Variants in ZNF83 observed in about 807,000 individuals in gnomAD.
The protein encoded by ZNF83 is zinc finger protein 83, also known as zinc finger protein 816B.
For synonymous variants in ZNF83, 209 were observed against 213.0 expected, an observed-to-expected ratio of 0.98 and a Z score of 0.17; for missense variants, 552 against 629.9, an observed-to-expected ratio of 0.88 and a Z score of 1.32.
intron 2 of ZNF83, chr19:52,618,640 A>G (rs918837566): frequency 9.6e-6 from 4 of 416,050 alleles, no homozygotes; most frequent in African/African-American, 8.2e-5. Context: ...GAAGTGATCC[A>G]CAAGCTTTGG....
chr19:52,645,857 GA>G (rs897398723), intron 3 of ZNF83, among the ~76,000 whole-genome samples: 1 of 147,746 alleles, frequency 6.8e-6, no homozygotes, highest in African/African-American at 2.5e-5. Context: ...AGAGGAAACA[GA>G]AAAAAAAATA....
At chr19:52,651,277 C>T (rs329958) in intron 3 of ZNF83, 80,272 of 152,056 alleles carry the variant, frequency 0.53, 21,771 homozygotes, top group East Asian at 0.71. Context: ...TGAAGATAGT[C>T]AGGATATATT....
chr19:52,676,389 T>C (rs2147330253), intron 1 of ZNF83, among the ~76,000 whole-genome samples: 1 of 152,298 alleles, frequency 6.6e-6, no homozygotes. Context: ...TTGCAGCCTC[T>C]GCCCGGCCGC....
chr19:52,613,151 G>A (rs756035466), exon 3 of ZNF83: 1 of 1,613,664 alleles, frequency 6.2e-7, no homozygotes, highest in Non-Finnish European at 8.5e-7. Flanking sequence ...TGATTAGTGA[G>A]GCTTGAACGC....
At chr19:52,658,709 A>T (rs1327808486) in intron 2 of ZNF83, among the ~76,000 whole-genome samples, 2 of 152,206 alleles carry the variant, frequency 1.3e-5, no homozygotes, top group African/African-American at 2.4e-5. Flanking sequence ...GCATTAGGTC[A>T]TAGGGTAAAT....
At chr19:52,665,773 G>A (rs934329975) in intron 1 of ZNF83, among the ~76,000 whole-genome samples, 1 of 152,126 alleles carries the variant, frequency 6.6e-6, no homozygotes, top group Non-Finnish European at 1.5e-5. Context: ...AGCAGCAGGG[G>A]CCTCATGCGT....
upstream of ZNF83, among the ~76,000 whole-genome samples, chr19:52,639,189 C>A (rs752502759): frequency 5.3e-5 from 8 of 151,990 alleles, no homozygotes; most frequent in East Asian, 7.8e-4. Flanking sequence ...CAGGTTCAAT[C>A]GATTCTCATG....
upstream of ZNF83, among the ~76,000 whole-genome samples, chr19:52,639,059 T>C (rs1487502073): frequency 6.6e-6 from 1 of 152,190 alleles, no homozygotes; most frequent in East Asian, 1.9e-4. Context: ...CACGTGGATA[T>C]CCAGTTAGTT....
chr19:52,668,530 GC>G (rs1164162703), intron 1 of ZNF83, among the ~76,000 whole-genome samples: 13 of 152,074 alleles, frequency 8.5e-5, no homozygotes, highest in African/African-American at 3.1e-4. Flanking sequence ...TTTAGGGTGT[GC>G]TTTTTTCTCC....
upstream of ZNF83, among the ~76,000 whole-genome samples, chr19:52,640,348 A>T (rs531844221): frequency 6.6e-6 from 1 of 152,294 alleles, no homozygotes; most frequent in Non-Finnish European, 1.5e-5. Context: ...AAAGACAGAG[A>T]ATCTTTAGCA....
At chr19:52,683,195 C>A (rs1380547361) in intron 1 of ZNF83, among the ~76,000 whole-genome samples, 1 of 151,274 alleles carries the variant, frequency 6.6e-6, no homozygotes, top group Non-Finnish European at 1.5e-5. Flanking sequence ...GGCATCTTGA[C>A]TTGATCCTCA....
rs1568588981 is a variant in ZNF83, at chr19:52,687,616, G to GTAAATTT, written c.-283+2826_-283+2827insAAATTTA. Among the ~76,000 whole-genome samples, 131 of 15,730 alleles carry GTAAATTT rather than the reference G, an allele frequency of 8.3e-3. 3 individuals are homozygous for GTAAATTT. Among genetic ancestry groups the GTAAATTT allele is most frequent in the African/African-American group, 0.028 (61 of 2,146 alleles). The allele number at this position is 15,730 out of a possible 152,430, so 10.3% of individuals were successfully genotyped here. ...TATATAATGTATATATATATAATGTGTATATATATATATAATGTATATATA... is the reference window on the plus strand; with the variant it reads ...TATATAATGTATATATATATAATGTGTAAATTTTATATATATATATAATGTATATATA... On this transcript the variant is annotated intron_variant, in intron 1 of 5. Transcript: ENST00000594682.
chr19:52,629,835 A>C (rs1461749815), intron 2 of ZNF83, among the ~76,000 whole-genome samples: 5 of 152,198 alleles, frequency 3.3e-5, no homozygotes, highest in Non-Finnish European at 7.3e-5. Context: ...ACATTAAATA[A>C]AACTCCAAAA....
At chr19:52,613,356 A>G (rs779802320) in exon 3 of ZNF83, 2 of 1,613,878 alleles carry the variant, frequency 1.2e-6, no homozygotes, top group Admixed American at 1.7e-5. Context: ...CACATTCATC[A>G]CATTTGTAAG....
At chr19:52,660,429 G>GT (rs2061564172) in intron 2 of ZNF83, among the ~76,000 whole-genome samples, 1 of 144,882 alleles carries the variant, frequency 6.9e-6, no homozygotes, top group Non-Finnish European at 1.5e-5. Flanking sequence ...GACCAGCCTG[G>GT]CCAACATGGT....
chr19:52,613,361 TG>T, exon 3 of ZNF83: 1 of 1,613,870 alleles, frequency 6.2e-7, no homozygotes, highest in Non-Finnish European at 8.5e-7. Flanking sequence ...TCATCACATT[TG>T]TAAGGTTTCT....
At chr19:52,626,391 T>C (rs2060737893) in intron 2 of ZNF83, among the ~76,000 whole-genome samples, 1 of 152,122 alleles carries the variant, frequency 6.6e-6, no homozygotes, top group Admixed American at 6.6e-5. Flanking sequence ...AAATGAAGAG[T>C]ATTGTTTTTA....
chr19:52,624,187 A>G (rs1028364716), intron 2 of ZNF83, among the ~76,000 whole-genome samples: 20 of 152,134 alleles, frequency 1.3e-4, no homozygotes, highest in African/African-American at 4.8e-4. Context: ...TATTCAATAC[A>G]TTGATGACCT....
At chr19:52,683,101 TTCAAG>T (rs1158314687) in intron 1 of ZNF83, among the ~76,000 whole-genome samples, 1 of 152,092 alleles carries the variant, frequency 6.6e-6, no homozygotes, top group Non-Finnish European at 1.5e-5. Context: ...AACTCCTGAC[TTCAAG>T]TGATCCACCC....
Sources: gnomAD v4.1 joint callset for allele counts (sites outside exome capture counted in the v4.1 genomes callset) on GRCh38, gnomAD v4.1.1 for gene constraint, MANE v1.5 for transcripts, NCBI Gene and HGNC (gene_info 2026-07-23, HGNC 2026-07-21) for gene names.